The following CUX2 variants were observed in gnomAD, a reference collection of about 807,000 sequenced individuals.
CUX2 encodes the protein homeobox protein cut-like 2.
A neutral mutation model predicts 144.8 loss-of-function variants in CUX2; 40 were observed. The observed-to-expected ratio is 0.28, with a 90% CI of 0.21 to 0.36. The LOEUF is 0.36. Among genes scored for constraint, CUX2 ranks in the 10% least tolerant of loss-of-function variants. The pLI, the probability that CUX2 is intolerant of heterozygous loss-of-function variation, is 1.00. For synonymous variants in CUX2, 827 were observed against 875.6 expected, an observed-to-expected ratio of 0.94 and a Z score of 0.98; for missense variants, 1,615 against 1,994.0, an observed-to-expected ratio of 0.81 and a Z score of 3.62.
At chr12:111,128,841 G>T (rs1875257473) in intron 1 of CUX2, among the ~76,000 whole-genome samples, 1 of 152,302 alleles carries the variant, frequency 6.6e-6, no homozygotes, top group Admixed American at 6.5e-5. Context: ...GGGCACCATG[G>T]CATCTGCTGG....
chr12:111,161,256 C>G (rs950499373), intron 1 of CUX2, among the ~76,000 whole-genome samples: 1 of 152,126 alleles, frequency 6.6e-6, no homozygotes, highest in Non-Finnish European at 1.5e-5. Context: ...AGGGATGCAC[C>G]CTCTGGGGAC....
At position 111,160,641 on chromosome 12, in the gene CUX2, G is replaced by A. The variant is rs1174798719; in HGVS notation, c.64-53559G>A. Among the ~76,000 whole-genome samples, 1 of 152,160 alleles carries A rather than the reference G, an allele frequency of 6.6e-6. No homozygotes were observed. The highest frequency in any genetic ancestry group is 1.5e-5 in the Non-Finnish European group (1 of 68,036). ...GGGTTTTTGTCTCCATGTCCAGGGA[G>A]CCAATGGAGGGCTATGCAGAGGAGT... On this transcript the variant is annotated intron_variant, in intron 1 of 21. Transcript: ENST00000261726. The surrounding 1 kb of genome is among the most constrained non-coding windows in gnomAD (Gnocchi z 4.1).
At chr12:111,166,787 G>A (rs144558965) in intron 1 of CUX2, among the ~76,000 whole-genome samples, 108 of 152,302 alleles carry the variant, frequency 7.1e-4, no homozygotes, top group African/African-American at 2.5e-3. Flanking sequence ...GCCCAGGACC[G>A]AGAAGTCCTG....
chr12:111,062,744 C>T (rs559746066), intron 1 of CUX2, among the ~76,000 whole-genome samples: 2 of 152,326 alleles, frequency 1.3e-5, no homozygotes, highest in Admixed American at 6.5e-5. Flanking sequence ...GACCATATTA[C>T]AGGGACCAGC....
At chr12:111,192,696 G>A (rs1879972000) in intron 1 of CUX2, among the ~76,000 whole-genome samples, 1 of 152,214 alleles carries the variant, frequency 6.6e-6, no homozygotes, top group Non-Finnish European at 1.5e-5. Flanking sequence ...GCAGCTCTCA[G>A]GGTGTGGGTC....
intron 4 of CUX2, chr12:111,270,432 G>C (rs1193887701): frequency 6.6e-6 from 1 of 152,062 alleles, no homozygotes; most frequent in Non-Finnish European, 1.5e-5. Flanking sequence ...TTTGGATATT[G>C]TTCACACAGA....
chr12:111,111,987 G>A (rs1382278140), intron 1 of CUX2, among the ~76,000 whole-genome samples: 2 of 152,166 alleles, frequency 1.3e-5, no homozygotes, highest in Non-Finnish European at 2.9e-5. Context: ...TGTGGGGTCT[G>A]TACCTCCCAA....
intron 5 of CUX2, among the ~76,000 whole-genome samples, chr12:111,291,962 C>G (rs189748504): frequency 1.3e-5 from 2 of 152,150 alleles, no homozygotes; most frequent in Non-Finnish European, 2.9e-5. Flanking sequence ...CTGGACATGA[C>G]GCAGGTGAGG....
intron 7 of CUX2, among the ~76,000 whole-genome samples, chr12:111,296,222 A>T (rs932923283): frequency 6.6e-6 from 1 of 151,952 alleles, no homozygotes; most frequent in Non-Finnish European, 1.5e-5. Context: ...ACCTAGGCCC[A>T]TGGAGAGACC....
intron 1 of CUX2, among the ~76,000 whole-genome samples, chr12:111,131,589 G>C (rs1425337959): frequency 1.3e-5 from 2 of 152,186 alleles, no homozygotes; most frequent in African/African-American, 4.8e-5. Context: ...TCAAAAGCAA[G>C]CTAGTTACTT....
chr12:111,159,140 TTTGTTGTTG>T (rs565029145), intron 1 of CUX2, among the ~76,000 whole-genome samples: 1 of 151,926 alleles, frequency 6.6e-6, no homozygotes, highest in African/African-American at 2.4e-5. Flanking sequence ...CTGCCAGGAT[TTTGTTGTTG>T]TTGTTGTTGT....
At chr12:111,104,459 T>G (rs1873464634) in intron 1 of CUX2, among the ~76,000 whole-genome samples, 1 of 152,168 alleles carries the variant, frequency 6.6e-6, no homozygotes, top group Non-Finnish European at 1.5e-5. Context: ...AAGCTTTGGA[T>G]AGTCACACTG....
At chr12:111,076,895 T>C (rs1049643295) in intron 1 of CUX2, among the ~76,000 whole-genome samples, 1 of 152,216 alleles carries the variant, frequency 6.6e-6, no homozygotes, top group Non-Finnish European at 1.5e-5. Context: ...TTTTATAAGA[T>C]ATGACTCTTA....
At chr12:111,210,021 T>C (rs1034601) in intron 1 of CUX2, among the ~76,000 whole-genome samples, 27,292 of 152,122 alleles carry the variant, frequency 0.18, 3,154 homozygotes, top group East Asian at 0.6. Flanking sequence ...AGTCTGGGGC[T>C]GTGTTAATCA....
At chr12:111,044,356 C>T (rs144585304) in intron 1 of CUX2, among the ~76,000 whole-genome samples, 1,536 of 151,914 alleles carry the variant, frequency 0.01, 96 homozygotes, top group Admixed American at 0.09. Flanking sequence ...GTTTTAGGAT[C>T]CCCTCATCCT....
At chr12:111,138,449 G>T (rs1876073154) in intron 1 of CUX2, among the ~76,000 whole-genome samples, 1 of 152,066 alleles carries the variant, frequency 6.6e-6, no homozygotes, top group Non-Finnish European at 1.5e-5. Flanking sequence ...ATTCCAGAGG[G>T]TCGCAGCTCC....
At chr12:111,120,801 G>A (rs1005218338) in intron 1 of CUX2, among the ~76,000 whole-genome samples, 12 of 152,096 alleles carry the variant, frequency 7.9e-5, no homozygotes, top group East Asian at 1.9e-4. Flanking sequence ...AGATAAATGC[G>A]GGAAACGTGT....
chr12:111,052,031 C>T (rs1466847883), intron 1 of CUX2, among the ~76,000 whole-genome samples: 5 of 151,982 alleles, frequency 3.3e-5, no homozygotes, highest in Admixed American at 3.3e-4. Context: ...GTACATGCGC[C>T]CTCTGTTCTT....
chr12:111,214,527 G>T (rs952025243), intron 2 of CUX2, among the ~76,000 whole-genome samples: 14 of 152,142 alleles, frequency 9.2e-5, no homozygotes, highest in African/African-American at 3.4e-4. Context: ...CTCCATCAAC[G>T]TCATTGTTTT....
Sources: allele counts gnomAD v4.1 joint callset (sites outside exome capture counted in the v4.1 genomes callset), GRCh38; gene constraint gnomAD v4.1.1; non-coding constraint Gnocchi (gnomAD v3.1); transcripts MANE v1.5; gene names NCBI Gene and HGNC (gene_info 2026-07-23, HGNC 2026-07-21).